KCNJ6: variants seen among roughly 807,000 people sequenced by gnomAD.
KCNJ6 encodes potassium inwardly rectifying channel subfamily J member 6.
A neutral mutation model predicts 34.2 loss-of-function variants in KCNJ6; 9 were observed. That is an observed-to-expected ratio of 0.26 (90% confidence interval 0.16 to 0.46). The LOEUF (loss-of-function observed/expected upper bound fraction) is 0.46, where lower values mean the gene tolerates loss of function less well. Ranked by LOEUF, KCNJ6 falls within the 20% of genes least tolerant of loss-of-function variation. The pLI, the probability that KCNJ6 is intolerant of heterozygous loss-of-function variation, is 1.00. For synonymous variants in KCNJ6, 196 were observed against 207.1 expected, an observed-to-expected ratio of 0.95 and a Z score of 0.46; for missense variants, 236 against 531.3, an observed-to-expected ratio of 0.44 and a Z score of 5.46.
intron 2 of KCNJ6, among the ~76,000 whole-genome samples, chr21:37,763,618 G>A (rs941280080): frequency 6.6e-6 from 1 of 152,168 alleles, no homozygotes; most frequent in African/African-American, 2.4e-5. Flanking sequence ...TCTGGACAAT[G>A]CCCTTCCCAA....
intron 1 of KCNJ6, among the ~76,000 whole-genome samples, chr21:37,880,586 G>A (rs531572390): frequency 6.6e-6 from 1 of 152,324 alleles, no homozygotes; most frequent in African/African-American, 2.4e-5. Flanking sequence ...GAGGAAGAAG[G>A]AAGTGCACAG....
At chr21:37,640,559 TC>T (rs1392298796) in intron 3 of KCNJ6, among the ~76,000 whole-genome samples, 1 of 152,254 alleles carries the variant, frequency 6.6e-6, no homozygotes, top group Non-Finnish European at 1.5e-5. Context: ...ATAGCGTTTG[TC>T]CCTTACATCA....
intron 2 of KCNJ6, among the ~76,000 whole-genome samples, chr21:37,716,376 T>TA (rs1367595173): frequency 6.9e-6 from 1 of 145,922 alleles, no homozygotes; most frequent in Non-Finnish European, 1.5e-5. Context: ...TAAAAAAGTT[T>TA]AAATTTTTTT....
chr21:37,764,668 G>A (rs996556919), intron 2 of KCNJ6, among the ~76,000 whole-genome samples: 5 of 152,210 alleles, frequency 3.3e-5, no homozygotes, highest in East Asian at 1.9e-4. Flanking sequence ...GTAAGCCACC[G>A]AGCTTGGCCA....
intron 1 of KCNJ6, among the ~76,000 whole-genome samples, chr21:37,897,178 A>G (rs2055792993): frequency 6.6e-6 from 1 of 152,200 alleles, no homozygotes; most frequent in Admixed American, 6.5e-5. Context: ...TTTGGCTTCT[A>G]AGAAGGCAGC....
At chr21:37,903,585 G>A (rs921327580) in intron 1 of KCNJ6, among the ~76,000 whole-genome samples, 10 of 152,180 alleles carry the variant, frequency 6.6e-5, no homozygotes, top group African/African-American at 2.2e-4. Context: ...AAGCACAGAT[G>A]ACTCAATCAG....
rs7509807 is a variant in KCNJ6, at chr21:37,822,257, C to T, written c.25+18401G>A. 9.7e-3 allele frequency among the ~76,000 whole-genome samples: 1,470 copies of T among 152,236 alleles called. 26 individuals are homozygous for T. Among genetic ancestry groups the T allele is most frequent in the African/African-American group, 0.033 (1,352 of 41,536 alleles). On this transcript the variant is annotated intron_variant, in intron 2 of 3. Transcript: ENST00000609713. The stretch of plus-strand genomic sequence containing the variant: ...CACCATTTCACAATGAAGAGTGGGT[C>T]GTGGTTTGATAGGCACCTGTTGTCT...
At chr21:37,652,845 T>C (rs571447747) in intron 3 of KCNJ6, among the ~76,000 whole-genome samples, 1 of 152,190 alleles carries the variant, frequency 6.6e-6, no homozygotes, top group African/African-American at 2.4e-5. Flanking sequence ...TGGAAAACAC[T>C]GCAGGCTTAC....
intron 1 of KCNJ6, among the ~76,000 whole-genome samples, chr21:37,872,500 G>A (rs765826195): frequency 6.6e-6 from 1 of 152,150 alleles, no homozygotes; most frequent in Non-Finnish European, 1.5e-5. Flanking sequence ...AGGAGGAATA[G>A]GTGACTGATG....
intron 1 of KCNJ6, among the ~76,000 whole-genome samples, chr21:37,904,796 G>C (rs555655811): frequency 5.3e-5 from 8 of 152,272 alleles, no homozygotes; most frequent in African/African-American, 1.9e-4. Context: ...AGAAAAAAAG[G>C]AGTCTTGTCT....
At chr21:37,789,941 G>A (rs2055209334) in intron 2 of KCNJ6, among the ~76,000 whole-genome samples, 1 of 152,186 alleles carries the variant, frequency 6.6e-6, no homozygotes, top group African/African-American at 2.4e-5. Flanking sequence ...TGACTTCAAA[G>A]GCCGCTACAT....
At chr21:37,811,600 G>A (rs1292130026) in intron 2 of KCNJ6, among the ~76,000 whole-genome samples, 1 of 152,160 alleles carries the variant, frequency 6.6e-6, no homozygotes, top group Non-Finnish European at 1.5e-5. Flanking sequence ...TGAGAATGGA[G>A]ATAAACAGTG....
intron 1 of KCNJ6, among the ~76,000 whole-genome samples, chr21:37,882,078 A>G (rs1177317787): frequency 1.7e-4 from 26 of 152,164 alleles, no homozygotes; most frequent in Admixed American, 1.6e-3. Context: ...TACAAGTGGG[A>G]TTCCTATGGA....
At chr21:37,795,293 G>A (rs2055235817) in intron 2 of KCNJ6, among the ~76,000 whole-genome samples, 1 of 152,208 alleles carries the variant, frequency 6.6e-6, no homozygotes, top group African/African-American at 2.4e-5. Context: ...GTCCTCCCCA[G>A]CATGCCTTCG....
At chr21:37,837,241 T>C (rs2055456509) in intron 2 of KCNJ6, among the ~76,000 whole-genome samples, 2 of 152,324 alleles carry the variant, frequency 1.3e-5, no homozygotes, top group South Asian at 4.1e-4. Flanking sequence ...GTTTCAATAA[T>C]GTGACGTAAA....
At chr21:37,843,066 C>A (rs534514946) in intron 1 of KCNJ6, among the ~76,000 whole-genome samples, 2 of 152,174 alleles carry the variant, frequency 1.3e-5, no homozygotes, top group Admixed American at 1.3e-4. Flanking sequence ...GCAGTGAGAA[C>A]CCCCCAACGC....
At chr21:37,696,159 C>T (rs150532758) in intron 3 of KCNJ6, among the ~76,000 whole-genome samples, 101 of 152,266 alleles carry the variant, frequency 6.6e-4, no homozygotes, top group South Asian at 5.2e-3. Flanking sequence ...TAGAAATAAC[C>T]GATTCAGGTT....
chr21:37,873,488 G>T (rs2055662593), intron 1 of KCNJ6, among the ~76,000 whole-genome samples: 1 of 152,130 alleles, frequency 6.6e-6, no homozygotes, highest in Admixed American at 6.5e-5. Context: ...ACCGTCCATT[G>T]ACCTGATCTC....
chr21:37,804,694 T>C (rs1399565778), intron 2 of KCNJ6, among the ~76,000 whole-genome samples: 3 of 152,184 alleles, frequency 2.0e-5, no homozygotes, highest in South Asian at 4.1e-4. Flanking sequence ...GTTCCTGCAT[T>C]AGCTTGGTAA....
Sources: gnomAD v4.1 joint callset for allele counts (sites outside exome capture counted in the v4.1 genomes callset) on GRCh38, gnomAD v4.1.1 for gene constraint, MANE v1.5 for transcripts, NCBI Gene and HGNC (gene_info 2026-07-23, HGNC 2026-07-21) for gene names.